ASB18: variants seen among roughly 807,000 people sequenced by gnomAD.
The protein encoded by ASB18 is ankyrin repeat and SOCS box containing 18.
In ASB18, 33 loss-of-function variants were observed where a neutral mutation model predicts 33.4. That is an observed-to-expected ratio of 0.99 (90% CI 0.75 to 1.32). The LOEUF (loss-of-function observed/expected upper bound fraction) is 1.32. Ranked by LOEUF, ASB18 falls within the 40% of genes most tolerant of loss-of-function variation. The probability of loss-of-function intolerance (pLI) is 0.00; values close to 1 mark genes in which losing one functional copy is unlikely to be tolerated. For missense variants in ASB18, 694 were observed against 655.5 expected, an observed-to-expected ratio of 1.06 and a Z score of -0.64; for synonymous variants, 295 against 307.6, an observed-to-expected ratio of 0.96 and a Z score of 0.43.
rs2060562051 is a variant in ASB18, at chr2:236,231,015, A to T, written c.596+6674T>A. ...CTCAGGTAAGTTAAAAAATGAAAGG[A>T]TGGTATGGTAGGCAGTATCTAGCAT... On this transcript the variant is annotated intron_variant, in intron 3 of 5. Transcript: ENST00000409749. This position sits in a 1 kb window ranked among gnomAD's most constrained non-coding sequence, Gnocchi z 5.5. Among the ~76,000 whole-genome samples the T allele has an allele frequency of 6.6e-6, 1 of 152,106 alleles. No individual in the cohort carries two copies. The highest frequency in any genetic ancestry group is 1.5e-5 in the Non-Finnish European group (1 of 68,014).
chr2:236,258,499 G>A (rs760558790), intron 1 of ASB18, among the ~76,000 whole-genome samples: 12 of 152,170 alleles, frequency 7.9e-5, no homozygotes, highest in Non-Finnish European at 1.6e-4. Context: ...CAATGGGTAC[G>A]CTCTTGTCAC....
In ASB18 at chr2:236,217,540, T is replaced by C. The variant is rs897108441; in HGVS notation, c.597-2674A>G. On this transcript the variant is annotated intron_variant, in intron 3 of 5. Transcript: ENST00000409749. This position sits in a 1 kb window ranked among gnomAD's most constrained non-coding sequence, Gnocchi z 5.2. ...ACTATTGGTATTCCCTAAAAACATA[T>C]TGAACAAACACATTCCATTAATTAA... Among the ~76,000 whole-genome samples, 8 of 152,202 alleles carry C rather than the reference T, an allele frequency of 5.3e-5. No individual in the cohort carries two copies. Among genetic ancestry groups the C allele is most frequent in the Non-Finnish European group, 1.2e-4 (8 of 68,034 alleles).
In ASB18 at chr2:236,214,667, G is replaced by A. The variant is rs2060477339; in HGVS notation, c.796C>T (p.Pro266Ser). 4 of 1,143,824 alleles carry A rather than the reference G, an allele frequency of 3.5e-6. No homozygotes were observed. Among genetic ancestry groups the A allele is most frequent in the South Asian group, 8.2e-5 (2 of 24,328 alleles). 70.9% of individuals were successfully genotyped at this position (1,143,824 alleles called of 1,614,324 possible). A position where few individuals can be genotyped will look rare whatever the true frequency, so the allele number is the denominator to read the frequency against. The change falls in exon 4 of 6, where the codon CCC becomes TCC. Residue 266 changes from proline to serine, a missense_variant. Transcript: ENST00000409749. The surrounding 1 kb of genome is among the most constrained non-coding windows in gnomAD (Gnocchi z 6.5). ...CGCAGGCAGCGCCCGTGCTCGTCGG[G>A]CCTCCGCGCCGCACCGCAGGCCGCG... ...LSAACGAARR[P>S]DEHGRCLRLC...
intron 1 of ASB18, among the ~76,000 whole-genome samples, chr2:236,254,855 T>C (rs2060684813): frequency 6.6e-6 from 1 of 151,968 alleles, no homozygotes. Context: ...TGGGGCCTGG[T>C]GGGAGGTGAT....
At chr2:236,240,187 C>T (rs1187350973) in intron 2 of ASB18, among the ~76,000 whole-genome samples, 6 of 152,144 alleles carry the variant, frequency 3.9e-5, no homozygotes, top group Non-Finnish European at 8.8e-5. Flanking sequence ...TATTTTTGGT[C>T]TGGGATAGGT....
chr2:236,214,675 G>GCCGCA lies in ASB18; in HGVS notation c.783_787dup (p.Ala263ValfsTer109). On this transcript the variant is annotated frameshift_variant, in exon 4 of 6. Transcript: ENST00000409749. LOFTEE classifies it high-confidence loss of function. This position sits in a 1 kb window ranked among gnomAD's most constrained non-coding sequence, Gnocchi z 6.5. ...GCGCCCGTGCTCGTCGGGCCTCCGC[G>GCCGCA]CCGCACCGCAGGCCGCGCTCAGAGC... 2 of 1,141,858 alleles carry GCCGCA rather than the reference G, an allele frequency of 1.8e-6. No homozygotes were observed. Among genetic ancestry groups the GCCGCA allele is most frequent in the Non-Finnish European group, 2.1e-6 (2 of 931,594 alleles). The allele number at this position is 1,141,858 out of a possible 1,614,324, so 70.7% of individuals were successfully genotyped here.
chr2:236,247,725 G>A (rs1448127028), intron 1 of ASB18: 1 of 152,198 alleles, frequency 6.6e-6, no homozygotes, highest in African/African-American at 2.4e-5. Context: ...CGTATCCAAT[G>A]CAACTTCTTT....
intron 1 of ASB18, among the ~76,000 whole-genome samples, chr2:236,246,690 G>A (rs1444443018): frequency 6.6e-6 from 1 of 152,088 alleles, no homozygotes. Flanking sequence ...CTTCTCAAAT[G>A]TCCACCAGAA....
intron 4 of ASB18, among the ~76,000 whole-genome samples, chr2:236,201,474 C>A (rs934594698): frequency 1.5e-4 from 23 of 152,006 alleles, no homozygotes; most frequent in African/African-American, 5.6e-4. Context: ...AAATAGTCTG[C>A]AGTTAAATAA....
chr2:236,237,796 GC>G lies in ASB18; in HGVS notation c.488del (p.Gly163AlafsTer94), dbSNP rs1439344309. 2.8e-6 allele frequency: 4 copies of G among 1,432,744 alleles called. No homozygotes were observed. The highest frequency in any genetic ancestry group is 2.7e-6 in the Non-Finnish European group (3 of 1,097,978). 88.8% of individuals were successfully genotyped at this position (1,432,744 alleles called of 1,614,324 possible). A position where few individuals can be genotyped will look rare whatever the true frequency, so the allele number is the denominator to read the frequency against. ...RGALHEACLGGHTACVRLLLQ... is the reference protein window; with the variant it reads ...RGALHEACLGXHTACVRLLLQ... ...GCAGCAGGCGGACGCAGGCGGTGTG[GC>G]CCCCGAGGCAGGCCTCGTGCAGGGC... On this transcript the variant is annotated frameshift_variant, in exon 3 of 6. Coordinates refer to ENST00000409749, the MANE Select transcript of ASB18 (RefSeq NM_212556.4). LOFTEE classifies it high-confidence loss of function. The surrounding 1 kb of genome is among the most constrained non-coding windows in gnomAD (Gnocchi z 6.2).
In ASB18 at chr2:236,215,020, GAAA is replaced by G. The variant is rs574936196; in HGVS notation, c.597-157_597-155del. Among the ~76,000 whole-genome samples, 98 of 120,054 alleles carry G rather than the reference GAAA, an allele frequency of 8.2e-4. No homozygotes were observed. Among genetic ancestry groups the G allele is most frequent in the African/African-American group, 2.7e-3 (90 of 33,810 alleles). The allele number at this position is 120,054 out of a possible 152,430, so 78.8% of individuals were successfully genotyped here. A position where few individuals can be genotyped will look rare whatever the true frequency, so the allele number is the denominator to read the frequency against. ...GGCGTCAGGAGTTCAAACTAAACTG[GAAA>G]AAAAAAAAAAAAAAAAGAGATTATG... On this transcript the variant is annotated intron_variant, in intron 3 of 5. Transcript: ENST00000409749. This position sits in a 1 kb window ranked among gnomAD's most constrained non-coding sequence, Gnocchi z 7.2.
At position 236,239,817 on chromosome 2, in the gene ASB18, G is replaced by A. The variant is rs989327040; in HGVS notation, c.328+1463C>T. ...GGCCACTGCTTTCAAACAGGGTCTGGTCGTTTCTGCTGCTGGATCTGCTGC... is the reference window on the plus strand; with the variant it reads ...GGCCACTGCTTTCAAACAGGGTCTGATCGTTTCTGCTGCTGGATCTGCTGC... On this transcript the variant is annotated intron_variant, in intron 2 of 5. Coordinates refer to ENST00000409749, the MANE Select transcript of ASB18 (RefSeq NM_212556.4). This position sits in a 1 kb window ranked among gnomAD's most constrained non-coding sequence, Gnocchi z 5.6. Among the ~76,000 whole-genome samples, 1 of 152,232 alleles carries A rather than the reference G, an allele frequency of 6.6e-6. No individual in the cohort carries two copies.
chr2:236,199,374 T>G (rs1462416918), intron 4 of ASB18, among the ~76,000 whole-genome samples: 1 of 147,614 alleles, frequency 6.8e-6, no homozygotes, highest in Non-Finnish European at 1.5e-5. Flanking sequence ...ATCATGCCAC[T>G]GCACTCCAGC....
At chr2:236,261,289 C>G in intron 1 of ASB18, among the ~76,000 whole-genome samples, 1 of 152,208 alleles carries the variant, frequency 6.6e-6, no homozygotes, top group Non-Finnish European at 1.5e-5. Flanking sequence ...GTTACTTTGC[C>G]TTTGTGTCTT....
chr2:236,248,447 G>C lies in ASB18; in HGVS notation c.206-7045C>G, dbSNP rs1464256989. On this transcript the variant is annotated intron_variant, in intron 1 of 5. Transcript: ENST00000409749. This position sits in a 1 kb window ranked among gnomAD's most constrained non-coding sequence, Gnocchi z 4.9. ...GTCTCTACTAAAAATACAAAAATTA[G>C]CTGGGCAAGGTGGCGCACGCCTGTA... 6.6e-6 allele frequency: 1 copy of C among 152,190 alleles called. No homozygotes were observed. Among genetic ancestry groups the C allele is most frequent in the African/African-American group, 2.4e-5 (1 of 41,432 alleles). The allele number at this position is 152,190 out of a possible 1,614,324, so 9.4% of individuals were successfully genotyped here.
rs563365905 is a variant in ASB18 at position 236,245,037 on chromosome 2, G to C, written c.206-3635C>G. ...ATGATGCAGGGGGATAAGGGACAGA[G>C]GCTGTGCTGTGAAAGCTGAGGGGCT... is the stretch of plus-strand genomic sequence containing the variant. On this transcript the variant is annotated intron_variant, in intron 1 of 5. Coordinates refer to ENST00000409749, the MANE Select transcript of ASB18 (RefSeq NM_212556.4). The surrounding 1 kb of genome is among the most constrained non-coding windows in gnomAD (Gnocchi z 4.7). Among the ~76,000 whole-genome samples, 8 of 152,304 alleles carry C rather than the reference G, an allele frequency of 5.3e-5. No homozygotes were observed. In the East Asian group the frequency reaches 1.5e-3, roughly 29 times the overall value.
chr2:236,237,870 G>C lies in ASB18; in HGVS notation c.415C>G (p.Leu139Val), dbSNP rs942456366. 3 of 1,483,048 alleles carry C rather than the reference G, an allele frequency of 2.0e-6. No homozygotes were observed. Among genetic ancestry groups the C allele is most frequent in the Non-Finnish European group, 2.7e-6 (3 of 1,125,006 alleles). The allele number at this position is 1,483,048 out of a possible 1,614,324, so 91.9% of individuals were successfully genotyped here. A position where few individuals can be genotyped will look rare whatever the true frequency, so the allele number is the denominator to read the frequency against. Residue 139 changes from leucine to valine, a missense_variant, in exon 3 of 6, where the codon CTG becomes GTG. By Grantham distance (32) the Leu-to-Val change is conservative (BLOSUM62 1). Transcript: ENST00000409749. The surrounding 1 kb of genome is among the most constrained non-coding windows in gnomAD (Gnocchi z 6.2). ...TCTGGGTCTGCGCCGCGGCCGAGCA[G>C]GTGTCGCACGCAGGCGGTGTGGCCG... ...AHGHTACVRHLLGRGADPDAS... is the reference protein window; with the variant it reads ...AHGHTACVRHVLGRGADPDAS...
In ASB18 at chr2:236,214,684, C is replaced by G; in HGVS notation, c.779G>C (p.Cys260Ser). ...CTCGTCGGGCCTCCGCGCCGCACCG[C>G]AGGCCGCGCTCAGAGCCGTCTCTCC... ...GRGETALSAA[C>S]GAARRPDEHG... Residue 260 changes from cysteine (C) to serine (S), a missense_variant, in exon 4 of 6, where the codon TGC becomes TCC. Transcript: ENST00000409749. The surrounding 1 kb of genome is among the most constrained non-coding windows in gnomAD (Gnocchi z 6.5). The G allele has an allele frequency of 8.7e-7, 1 of 1,143,164 alleles. No individual in the cohort carries two copies. The highest frequency in any genetic ancestry group is 1.1e-6 in the Non-Finnish European group (1 of 932,288). The allele number at this position is 1,143,164 out of a possible 1,614,324, so 70.8% of individuals were successfully genotyped here. A position where few individuals can be genotyped will look rare whatever the true frequency, so the allele number is the denominator to read the frequency against.
At position 236,241,390 on chromosome 2, in the gene ASB18, T is replaced by C. The variant is rs565020246; in HGVS notation, c.218A>G (p.His73Arg). 1.9e-6 allele frequency: 3 copies of C among 1,614,030 alleles called. No homozygotes were observed. Among genetic ancestry groups the C allele is most frequent in the East Asian group, 2.2e-5 (1 of 44,874 alleles). The part of the protein sequence containing the change: ...PTGMLLGDLD[H>R]LKPLMDQFFQ... ...GAACTGGTCCATGAGGGGCTTCAGA[T>C]GGTCGAGGTCCCCTGCGACCAGGGC... Residue 73 changes from histidine (H) to arginine (R), a missense_variant, in exon 2 of 6, where the codon CAT (histidine) becomes CGT (arginine). Physicochemically the swap from His to Arg is conservative, Grantham distance 29 (BLOSUM62 0). Transcript: ENST00000409749. This position sits in a 1 kb window ranked among gnomAD's most constrained non-coding sequence, Gnocchi z 4.2.
Sources: allele counts gnomAD v4.1 joint callset (sites outside exome capture counted in the v4.1 genomes callset), GRCh38; gene constraint gnomAD v4.1.1; non-coding constraint Gnocchi (gnomAD v3.1); transcripts MANE v1.5; gene names NCBI Gene and HGNC (gene_info 2026-07-23, HGNC 2026-07-21).